Variants in TEKT5 observed in about 807,000 individuals in gnomAD.
TEKT5 encodes tektin 5.
In TEKT5, 52 loss-of-function variants were observed where a neutral mutation model predicts 48.7. The ratio of observed to expected loss-of-function variants is 1.07; its 90% CI spans 0.86 to 1.35. TEKT5 has a LOEUF of 1.35. Ranked by LOEUF, TEKT5 falls within the 40% of genes most tolerant of loss-of-function variation. TEKT5 has a pLI of 0.00. For synonymous variants in TEKT5, 318 were observed against 267.6 expected (o/e 1.19, Z -1.84); for missense variants, 831 against 641.6 (o/e 1.30, Z -3.19).
At chr16:10,648,858 CT>C (rs1898110713) in intron 5 of TEKT5, among the ~76,000 whole-genome samples, 1 of 152,228 alleles carries the variant, frequency 6.6e-6, no homozygotes, top group African/African-American at 2.4e-5. Context: ...CTCTGCTTCC[CT>C]TATATTTATT....
chr16:10,682,057 A>G lies in TEKT5; in HGVS notation c.799T>C (p.Phe267Leu), dbSNP rs1430949443. The change falls in exon 4 of 7, where the codon TTT (phenylalanine) becomes CTT (leucine). Residue 267 changes from phenylalanine (F) to leucine (L), a missense_variant. Physicochemically the swap from Phe to Leu is conservative, Grantham distance 22. Transcript: ENST00000283025. ...CAGTCTGACGTATTTCTCAGGTTAA[A>G]GCACTTCTCATCGATACACTGGGCC... Reference protein sequence around the residue: ...SSAQCIDEKCFNLRNTSDCIS... With the variant: ...SSAQCIDEKCLNLRNTSDCIS... 1 of 1,614,156 alleles carries G rather than the reference A, an allele frequency of 6.2e-7. No individual in the cohort carries two copies. The highest frequency in any genetic ancestry group is 8.5e-7 in the Non-Finnish European group (1 of 1,180,036).
chr16:10,639,370 C>T (rs1897959861), intron 5 of TEKT5, among the ~76,000 whole-genome samples: 1 of 152,152 alleles, frequency 6.6e-6, no homozygotes, highest in Non-Finnish European at 1.5e-5. Context: ...TCCATCCACA[C>T]ACTCACACAC....
intron 5 of TEKT5, among the ~76,000 whole-genome samples, chr16:10,636,690 C>CGTGTGT (rs34623422): frequency 0.041 from 6,011 of 145,202 alleles, 137 homozygotes; most frequent in South Asian, 0.057. Flanking sequence ...TACATACATA[C>CGTGTGT]GTGTGTGTGT....
At chr16:10,691,723 C>T (rs4780982) in intron 1 of TEKT5, among the ~76,000 whole-genome samples, 29,750 of 151,960 alleles carry the variant, frequency 0.2, 3,985 homozygotes, top group East Asian at 0.43. Context: ...CTGAGGTGGG[C>T]GGATCACGAG....
intron 5 of TEKT5, among the ~76,000 whole-genome samples, chr16:10,671,463 A>T (rs1898547706): frequency 6.6e-6 from 1 of 152,244 alleles, no homozygotes; most frequent in Admixed American, 6.5e-5. Flanking sequence ...CTTGAAAAAG[A>T]AGGAAATTCT....
chr16:10,647,362 C>T (rs1209650799), intron 5 of TEKT5, among the ~76,000 whole-genome samples: 1 of 151,610 alleles, frequency 6.6e-6, no homozygotes, highest in Non-Finnish European at 1.5e-5. Context: ...GTCCCAGCTA[C>T]TCAGGAGGCT....
At chr16:10,688,849 C>A (rs987802365) in intron 3 of TEKT5, among the ~76,000 whole-genome samples, 1 of 152,222 alleles carries the variant, frequency 6.6e-6, no homozygotes, top group African/African-American at 2.4e-5. Flanking sequence ...CCTAATACCA[C>A]CCACCCTCTG....
intron 5 of TEKT5, among the ~76,000 whole-genome samples, chr16:10,663,310 G>T (rs527256364): frequency 6.6e-6 from 1 of 152,262 alleles, no homozygotes; most frequent in South Asian, 2.1e-4. Context: ...AGCCTCTAAG[G>T]CCAAGAAATT....
In TEKT5 at chr16:10,694,910, C is replaced by T; in HGVS notation, c.-37G>A. The T allele has an allele frequency of 6.6e-7, 1 of 1,513,646 alleles. No homozygotes were observed. The highest frequency in any genetic ancestry group is 8.8e-7 in the Non-Finnish European group (1 of 1,138,368). 93.8% of individuals were successfully genotyped at this position (1,513,646 alleles called of 1,614,324 possible). The stretch of plus-strand genomic sequence containing the variant: ...AGCCCCACTCGGGCAAAACTCAGCT[C>T]AAGGAGCCAAAGGCATCACCAGGAA... On this transcript the variant is annotated 5_prime_UTR_variant, in exon 1 of 7. The change abolishes the stop of an existing upstream ORF in the 5' untranslated region. Coordinates refer to ENST00000283025, the MANE Select transcript of TEKT5 (RefSeq NM_144674.2).
chr16:10,650,321 G>C (rs1006458701), intron 5 of TEKT5, among the ~76,000 whole-genome samples: 1 of 151,772 alleles, frequency 6.6e-6, no homozygotes, highest in African/African-American at 2.4e-5. Flanking sequence ...AGCAGGTCTC[G>C]AACTCCTGAC....
chr16:10,681,928 C>A, intron 4 of TEKT5, 65 bp downstream of exon 4: 1 of 1,572,492 alleles, frequency 6.4e-7, no homozygotes, highest in Admixed American at 1.7e-5. Context: ...CATTCGTTGG[C>A]AGGAGCAGAA....
At chr16:10,669,362 G>A (rs1898516265) in intron 5 of TEKT5, among the ~76,000 whole-genome samples, 1 of 151,298 alleles carries the variant, frequency 6.6e-6, no homozygotes, top group Admixed American at 6.6e-5. Flanking sequence ...GGAAAGCTGA[G>A]GCAGGAGAAT....
At chr16:10,637,953 G>C (rs1897939629) in intron 5 of TEKT5, among the ~76,000 whole-genome samples, 1 of 152,174 alleles carries the variant, frequency 6.6e-6, no homozygotes, top group Non-Finnish European at 1.5e-5. Context: ...AGGGATTACA[G>C]TCACACACCA....
At chr16:10,650,451 T>C (rs184461233) in intron 5 of TEKT5, among the ~76,000 whole-genome samples, 37 of 152,186 alleles carry the variant, frequency 2.4e-4, no homozygotes, top group African/African-American at 8.9e-4. Context: ...AGAATTGGCT[T>C]CCCTAGAACC....
intron 5 of TEKT5, among the ~76,000 whole-genome samples, chr16:10,668,977 T>C (rs1328212016): frequency 1.3e-5 from 2 of 152,176 alleles, no homozygotes; most frequent in Non-Finnish European, 2.9e-5. Context: ...TGTTCCCCTG[T>C]AGAAACATGA....
intron 5 of TEKT5, among the ~76,000 whole-genome samples, chr16:10,657,410 G>A (rs559080771): frequency 1.8e-4 from 27 of 152,176 alleles, no homozygotes; most frequent in African/African-American, 5.5e-4. Flanking sequence ...TTACAGGCAT[G>A]AGCCACCATG....
chr16:10,635,506 C>G (rs951315958), intron 6 of TEKT5, among the ~76,000 whole-genome samples: 1 of 152,106 alleles, frequency 6.6e-6, no homozygotes, highest in African/African-American at 2.4e-5. Flanking sequence ...AAAACCACCC[C>G]TAGTTTAGGC....
In TEKT5 at chr16:10,627,514, ACT is replaced by A; in HGVS notation, c.*67_*68del. On this transcript the variant is annotated 3_prime_UTR_variant, in exon 7 of 7. Coordinates refer to ENST00000283025, the MANE Select transcript of TEKT5 (RefSeq NM_144674.2). Reference sequence around the variant, plus strand: ...GAAAGTCGGCCCTTTCAAACAAAATACTGTTTTACTTTGTTTCTCAGCCTTTT... The same window carrying A: ...GAAAGTCGGCCCTTTCAAACAAAATAGTTTTACTTTGTTTCTCAGCCTTTT... 1.3e-6 allele frequency: 2 copies of A among 1,518,508 alleles called. No homozygotes were observed. Among genetic ancestry groups the A allele is most frequent in the East Asian group, 4.6e-5 (2 of 43,732 alleles). The allele number at this position is 1,518,508 out of a possible 1,614,324, so 94.1% of individuals were successfully genotyped here.
In TEKT5 at chr16:10,690,819, G is replaced by C. The variant is rs546921638; in HGVS notation, c.565-794C>G. Reference sequence around the variant, plus strand: ...GCAAACCAGCCCGTGATGTCACAAAGGGCCCAGGAGCAGAAGGAAGCAGGA... The same window carrying C: ...GCAAACCAGCCCGTGATGTCACAAACGGCCCAGGAGCAGAAGGAAGCAGGA... On this transcript the variant is annotated intron_variant, in intron 1 of 6. Transcript: ENST00000283025. 1.3e-5 allele frequency: 13 copies of C among 976,634 alleles called. No individual in the cohort carries two copies. The African/African-American group carries it at 1.7e-4, about 13-fold the overall frequency. 60.5% of individuals were successfully genotyped at this position (976,634 alleles called of 1,614,324 possible).
Sources: allele counts gnomAD v4.1 joint callset (sites outside exome capture counted in the v4.1 genomes callset), GRCh38; gene constraint gnomAD v4.1.1; transcripts MANE v1.5; gene names NCBI Gene and HGNC (gene_info 2026-07-23, HGNC 2026-07-21).